The following OLFM1 variants were observed in gnomAD, a reference collection of about 807,000 sequenced individuals.
The protein encoded by OLFM1 is noelin.
In OLFM1, 9 loss-of-function variants were observed where a neutral mutation model predicts 49.7. The observed-to-expected ratio is 0.18, with a 90% CI of 0.11 to 0.32. OLFM1 has a LOEUF of 0.32. Ranked by LOEUF, OLFM1 falls within the 10% of genes least tolerant of loss-of-function variation. The pLI is 1.00. For synonymous variants in OLFM1, 240 were observed against 271.8 expected, an observed-to-expected ratio of 0.88 and a Z score of 1.15; for missense variants, 369 against 661.8, an observed-to-expected ratio of 0.56 and a Z score of 4.85.
chr9:135,087,247 GGCT>G, upstream of OLFM1: 1 of 1,443,540 alleles, frequency 6.9e-7, no homozygotes, highest in Non-Finnish European at 9.1e-7. Flanking sequence ...GGCCCAGGCT[GGCT>G]GGGACCCTCG....
At chr9:135,076,362 TG>T (rs1830466386) in intron 1 of OLFM1, 7 of 1,531,132 alleles carry the variant, frequency 4.6e-6, no homozygotes, top group African/African-American at 1.4e-5. Flanking sequence ...ATGCAGGGCT[TG>T]GGGGGCTGTG....
At chr9:135,105,552 G>C (rs76033076) in intron 4 of OLFM1, 2 of 152,322 alleles carry the variant, frequency 1.3e-5, no homozygotes, top group Non-Finnish European at 1.5e-5. Flanking sequence ...TGGCCAGGCC[G>C]CGTCCTCCCG....
Position 135,090,258 on chromosome 9 carries a change from A to G in OLFM1, c.214A>G (p.Arg72Gly). ...VYSSAQDSEGRCICTVVAPQQ... is the reference protein window; with the variant it reads ...VYSSAQDSEGGCICTVVAPQQ... ...CAGCTCTGCCCAGGACAGCGAGGGC[A>G]GGTGTATCTGCACAGTGGTCGCTCC... Residue 72 changes from arginine to glycine, a missense_variant, in exon 2 of 6, where the codon AGG (arginine) becomes GGG (glycine). Around this residue, in one of 3 missense-constraint regions of OLFM1, gnomAD observed 294 missense variants for 567.5 expected, o/e 0.52. Transcript: ENST00000371793. The G allele has an allele frequency of 6.2e-7, 1 of 1,614,082 alleles. No individual in the cohort carries two copies. The highest frequency in any genetic ancestry group is 8.5e-7 in the Non-Finnish European group (1 of 1,180,028).
chr9:135,084,075 A>G (rs1237679902), upstream of OLFM1, among the ~76,000 whole-genome samples: 1 of 152,192 alleles, frequency 6.6e-6, no homozygotes, highest in African/African-American at 2.4e-5. The surrounding 1 kb of genome is among the most constrained non-coding windows in gnomAD (Gnocchi z 4.6). Context: ...AGTACAGGGA[A>G]CACTTGGCTC....
chr9:135,090,441 T>C, intron 2 of OLFM1, 97 bp downstream of exon 2: 2 of 1,314,138 alleles, frequency 1.5e-6, no homozygotes, highest in Non-Finnish European at 2.1e-6. Flanking sequence ...CACCAAGGCT[T>C]GGCTAGCTTG....
intron 4 of OLFM1, among the ~76,000 whole-genome samples, chr9:135,105,301 C>A (rs1478032540): frequency 1.3e-5 from 2 of 152,360 alleles, no homozygotes; most frequent in East Asian, 3.9e-4. Flanking sequence ...GCAATGCAGC[C>A]CGACTCGATG....
upstream of OLFM1, among the ~76,000 whole-genome samples, chr9:135,085,643 G>A (rs1392538165): frequency 6.6e-6 from 1 of 152,376 alleles, no homozygotes; most frequent in Middle Eastern, 3.4e-3. Flanking sequence ...AAGAGAAGTC[G>A]TGAAGAAATT....
At chr9:135,087,652 A>G (rs1334442626), upstream of OLFM1, 3 of 523,620 alleles carry the variant, frequency 5.7e-6, no homozygotes, top group Non-Finnish European at 8.4e-6. Context: ...CCCCGCGCGC[A>G]GCCCGCGCAG....
In OLFM1 at chr9:135,119,649, T is replaced by A. The variant is rs1335310406; in HGVS notation, c.929T>A (p.Ile310Asn). The A allele has an allele frequency of 6.2e-7, 1 of 1,614,196 alleles. No individual in the cohort carries two copies. The highest frequency in any genetic ancestry group is 1.3e-5 in the African/African-American group (1 of 75,062). ...GGGCAGGTGGTCTACAACGGTTCTA[T>A]CTACTTCAACAAGTTCCAGAGCCAC... ...GTGQVVYNGS[I>N]YFNKFQSHII... The change falls in exon 6 of 6, where the codon ATC (isoleucine) becomes AAC (asparagine). Residue 310 changes from isoleucine to asparagine, a missense_variant. By Grantham distance (149) the Ile-to-Asn change is moderately radical. Coordinates refer to ENST00000371793, the MANE Select transcript of OLFM1 (RefSeq NM_001282611.2).
At position 135,120,351 on chromosome 9, in the gene OLFM1, G is replaced by A. The variant is rs1049350079; in HGVS notation, c.*173G>A. 6.7e-5 allele frequency: 44 copies of A among 656,628 alleles called. No homozygotes were observed. The highest frequency in any genetic ancestry group is 4.1e-4 in the Middle Eastern group (1 of 2,460). 40.7% of individuals were successfully genotyped at this position (656,628 alleles called of 1,614,324 possible). On this transcript the variant is annotated 3_prime_UTR_variant, in exon 6 of 6. Coordinates refer to ENST00000371793, the MANE Select transcript of OLFM1 (RefSeq NM_001282611.2). Reference sequence around the variant, plus strand: ...CCTCCGTGTTTCTCCCTTTCGAGCCGGCGGGCCACAGACGTCGGAAGAAAC... The same window carrying A: ...CCTCCGTGTTTCTCCCTTTCGAGCCAGCGGGCCACAGACGTCGGAAGAAAC...
intron 5 of OLFM1, among the ~76,000 whole-genome samples, chr9:135,108,989 A>C (rs892900151): frequency 1.3e-5 from 2 of 151,958 alleles, no homozygotes; most frequent in African/African-American, 4.8e-5. Context: ...TATGCAGAGC[A>C]GGAAAACCAC....
upstream of OLFM1, among the ~76,000 whole-genome samples, chr9:135,085,976 G>A (rs2119094032): frequency 6.6e-6 from 1 of 152,364 alleles, no homozygotes; most frequent in South Asian, 2.1e-4. Flanking sequence ...ATAAATAAAT[G>A]TCTATGGCTT....
chr9:135,109,843 C>T lies in OLFM1; in HGVS notation c.783+2988C>T, dbSNP rs1830998419. ...GGGCTGCCTAGTAGAGAGCCCGGCT[C>T]AGGGGGACCTGCAGAATCTCTGTGT... On this transcript the variant is annotated intron_variant, in intron 5 of 5. Transcript: ENST00000371793. Among the ~76,000 whole-genome samples the T allele has an allele frequency of 2.0e-5, 3 of 152,170 alleles. No homozygotes were observed. In the South Asian group the frequency reaches 6.2e-4, roughly 31 times the overall value.
rs1176127892 is a variant in OLFM1, at chr9:135,120,346, G to T, written c.*168G>T. 4 of 662,222 alleles carry T rather than the reference G, an allele frequency of 6.0e-6. No homozygotes were observed. Among genetic ancestry groups the T allele is most frequent in the African/African-American group, 3.6e-5 (2 of 54,954 alleles). 41.0% of individuals were successfully genotyped at this position (662,222 alleles called of 1,614,324 possible). The stretch of plus-strand genomic sequence containing the variant: ...CATTACCTCCGTGTTTCTCCCTTTC[G>T]AGCCGGCGGGCCACAGACGTCGGAA... On this transcript the variant is annotated 3_prime_UTR_variant, in exon 6 of 6. Transcript: ENST00000371793.
chr9:135,120,244 C>T lies in OLFM1; in HGVS notation c.*66C>T. ...AAAGGGACTCCTGTGAAACTGCTGC[C>T]AAAAAGATACCAATAACACTAACAA... is the stretch of plus-strand genomic sequence containing the variant. On this transcript the variant is annotated 3_prime_UTR_variant, in exon 6 of 6. Transcript: ENST00000371793. 1 of 1,335,440 alleles carries T rather than the reference C, an allele frequency of 7.5e-7. No homozygotes were observed. Among genetic ancestry groups the T allele is most frequent in the Non-Finnish European group, 1.0e-6 (1 of 968,324 alleles). 82.7% of individuals were successfully genotyped at this position (1,335,440 alleles called of 1,614,324 possible). A position where few individuals can be genotyped will look rare whatever the true frequency, so the allele number is the denominator to read the frequency against.
intron 1 of OLFM1, chr9:135,075,839 C>G: frequency 1.3e-6 from 2 of 1,563,164 alleles, no homozygotes; most frequent in South Asian, 2.3e-5. Flanking sequence ...CCCTGCCAGG[C>G]GCCCGGCCCG....
intron 5 of OLFM1, among the ~76,000 whole-genome samples, chr9:135,118,955 G>C (rs1183256163): frequency 6.6e-6 from 1 of 151,164 alleles, no homozygotes; most frequent in Non-Finnish European, 1.5e-5. Context: ...GTGCTCACTG[G>C]GTCTTTGGAA....
chr9:135,077,646 C>G lies in OLFM1; in HGVS notation c.96+1844C>G, dbSNP rs984302408. On this transcript the variant is annotated intron_variant, in intron 1 of 5. Transcript: ENST00000252854. ...CCTCCGCGGGTCAGGAAGGGAAATG[C>G]TGCTGTTTTCTTTGCTGGCCTGGCA... is the stretch of plus-strand genomic sequence containing the variant. Among the ~76,000 whole-genome samples the G allele has an allele frequency of 7.2e-5, 11 of 152,204 alleles. No individual in the cohort carries two copies. In the South Asian group the frequency reaches 2.1e-3, roughly 29 times the overall value.
At chr9:135,079,675 C>A (rs1830509398) in intron 1 of OLFM1, among the ~76,000 whole-genome samples, 1 of 152,150 alleles carries the variant, frequency 6.6e-6, no homozygotes, top group Admixed American at 6.5e-5. Flanking sequence ...GGCCTGGAAA[C>A]CCTGACTCTC....
Sources: gnomAD v4.1 joint callset for allele counts (sites outside exome capture counted in the v4.1 genomes callset) on GRCh38, gnomAD v4.1.1 for gene constraint, gnomAD v4.1.1 regional missense constraint, Gnocchi (gnomAD v3.1) non-coding constraint, MANE v1.5 for transcripts, NCBI Gene and HGNC (gene_info 2026-07-23, HGNC 2026-07-21) for gene names.